CARS2: variants seen among roughly 807,000 people sequenced by gnomAD.
The protein encoded by CARS2 is cysteinyl-tRNA synthetase 2, mitochondrial.
A neutral mutation model predicts 68.8 loss-of-function variants in CARS2; 52 were observed. That is an observed-to-expected ratio of 0.76 (90% confidence interval 0.61 to 0.95). The LOEUF is 0.95. Among genes scored for constraint, CARS2 ranks in the 40% least tolerant of loss-of-function variants. The pLI is 0.00. For missense variants in CARS2, 780 were observed against 754.2 expected, an observed-to-expected ratio of 1.03 and a Z score of -0.40; for synonymous variants, 314 against 303.6, an observed-to-expected ratio of 1.03 and a Z score of -0.36.
Position 110,647,238 on chromosome 13 carries a change from G to A in CARS2, c.1056C>T (p.Ala352=). Reference sequence around the variant, plus strand: ...GCATGGCGCTGTCACTGTAGTCGATGGCTGAGGAGGAAGAGATGGTCACTG... The same window carrying A: ...GCATGGCGCTGTCACTGTAGTCGATAGCTGAGGAGGAAGAGATGGTCACTG... ...FFCLRSSYRS[A]IDYSDSAMLQ... is the part of the protein sequence containing the mutation. Residue 352 remains alanine, a splice_region_variant and synonymous_variant, in exon 11 of 15, where the codon GCC becomes GCT. Transcript: ENST00000257347. 2 of 1,612,052 alleles carry A rather than the reference G, an allele frequency of 1.2e-6. No homozygotes were observed. Among genetic ancestry groups the A allele is most frequent in the Non-Finnish European group, 1.7e-6 (2 of 1,179,062 alleles).
intron 6 of CARS2, among the ~76,000 whole-genome samples, chr13:110,681,430 G>A (rs2063153863): frequency 6.6e-6 from 1 of 151,994 alleles, no homozygotes; most frequent in Non-Finnish European, 1.5e-5. Flanking sequence ...TTTTGTATAA[G>A]AAAATATTTT....
rs761330441 is a variant in CARS2, at chr13:110,642,484, C to G, written c.1454G>C (p.Gly485Ala). Reference sequence around the variant, plus strand: ...GAACCGCACCAGCTCGTCCACCACACCATGCAAGGTAGCCTCGCTGCCGTC... The same window carrying G: ...GAACCGCACCAGCTCGTCCACCACAGCATGCAAGGTAGCCTCGCTGCCGTC... The part of the protein sequence containing the change: ...SGDGSEATLH[G>A]VVDELVRFRQ... The change falls in exon 14 of 15, where the codon GGT (glycine) becomes GCT (alanine). Residue 485 changes from glycine to alanine, a missense_variant. Gly to Ala is a moderately conservative substitution (Grantham distance 60, BLOSUM62 0). Transcript: ENST00000257347. 1.8e-5 allele frequency: 29 copies of G among 1,610,370 alleles called. No individual in the cohort carries two copies. Among genetic ancestry groups the G allele is most frequent in the Non-Finnish European group, 2.1e-5 (25 of 1,178,862 alleles).
intron 5 of CARS2, among the ~76,000 whole-genome samples, chr13:110,684,481 C>T (rs1284341867): frequency 2.0e-5 from 3 of 150,334 alleles, no homozygotes; most frequent in Admixed American, 1.3e-4. Flanking sequence ...TAGTGGTCAA[C>T]CCCGAATGAC....
Position 110,644,479 on chromosome 13 carries a change from G to C in CARS2, c.1322C>G (p.Pro441Arg). 1 of 1,614,020 alleles carries C rather than the reference G, an allele frequency of 6.2e-7. No individual in the cohort carries two copies. Among genetic ancestry groups the C allele is most frequent in the Non-Finnish European group, 8.5e-7 (1 of 1,180,000 alleles). Reference protein sequence around the residue: ...NGQLRASLKEPEGPRSPAVFG... With the variant: ...NGQLRASLKEREGPRSPAVFG... ...CACAGCAGGACTTCTCGGCCCTTCAGGTTCCTGTAAGAGATCATGTCGCAG... is the reference window on the plus strand; with the variant it reads ...CACAGCAGGACTTCTCGGCCCTTCACGTTCCTGTAAGAGATCATGTCGCAG... The change falls in exon 13 of 15, where the codon CCT (proline) becomes CGT (arginine). Residue 441 changes from proline to arginine, a missense_variant. Physicochemically the swap from Pro to Arg is moderately radical, Grantham distance 103. Coordinates refer to ENST00000257347, the MANE Select transcript of CARS2 (RefSeq NM_024537.4).
intron 3 of CARS2, among the ~76,000 whole-genome samples, chr13:110,695,774 C>T (rs1047243168): frequency 1.4e-5 from 2 of 146,424 alleles, no homozygotes; most frequent in African/African-American, 5.3e-5. Context: ...AAAAGAATTA[C>T]CTTTTTTTTT....
chr13:110,691,880 C>G (rs9521901), intron 3 of CARS2, among the ~76,000 whole-genome samples: 149,343 of 151,294 alleles, frequency 0.99, 73,734 homozygotes, highest in Middle Eastern at 1. Flanking sequence ...ACAGGGGTGA[C>G]GGATGCATCC....
chr13:110,663,434 T>C lies in CARS2; in HGVS notation c.987+17A>G, dbSNP rs2062563735. Reference sequence around the variant, plus strand: ...AGCTATCGGCACCTCAGAGATACAATACAAAAAGCACGTTACCTTAATAGT... The same window carrying C: ...AGCTATCGGCACCTCAGAGATACAACACAAAAAGCACGTTACCTTAATAGT... On this transcript the variant is annotated intron_variant, in intron 9 of 14. Coordinates refer to ENST00000257347, the MANE Select transcript of CARS2 (RefSeq NM_024537.4). 2 of 1,609,672 alleles carry C rather than the reference T, an allele frequency of 1.2e-6. No homozygotes were observed. The highest frequency in any genetic ancestry group is 8.5e-7 in the Non-Finnish European group (1 of 1,178,286).
chr13:110,661,513 T>C (rs1034179272), intron 9 of CARS2, among the ~76,000 whole-genome samples: 3 of 152,232 alleles, frequency 2.0e-5, no homozygotes, highest in Non-Finnish European at 4.4e-5. Flanking sequence ...AGCAATAAGG[T>C]TGTTTTGCTT....
chr13:110,663,383 C>T, intron 9 of CARS2, 68 bp downstream of exon 9: 6 of 1,496,504 alleles, frequency 4.0e-6, no homozygotes, highest in South Asian at 1.2e-5. Context: ...TCAAATGACA[C>T]AGAAGCCTTT....
Position 110,653,458 on chromosome 13 carries a change from C to T in CARS2, c.988-2358G>A, listed in dbSNP as rs1009601290. On this transcript the variant is annotated intron_variant, in intron 9 of 14. Coordinates refer to ENST00000257347, the MANE Select transcript of CARS2 (RefSeq NM_024537.4). This position sits in a 1 kb window ranked among gnomAD's most constrained non-coding sequence, Gnocchi z 5.6. ...GTCCTGCCGGTTTCAGTTCAGGTTG[C>T]GCCCTATTTAGGTCTCCGGGTTTCG... Among the ~76,000 whole-genome samples the T allele has an allele frequency of 4.6e-5, 7 of 152,192 alleles. No homozygotes were observed. Among genetic ancestry groups the T allele is most frequent in the Non-Finnish European group, 7.3e-5 (5 of 68,040 alleles).
At chr13:110,641,667 G>T in intron 14 of CARS2, 59 bp from the exon 15 acceptor site, 2 of 1,344,260 alleles carry the variant, frequency 1.5e-6, no homozygotes, top group Non-Finnish European at 2.1e-6. Flanking sequence ...GGCACAGGGG[G>T]CTGACAGGCG....
At chr13:110,692,077 C>CAT (rs1184399059) in intron 3 of CARS2, among the ~76,000 whole-genome samples, 4 of 141,410 alleles carry the variant, frequency 2.8e-5, no homozygotes, top group South Asian at 2.2e-4. Context: ...TACACACATA[C>CAT]ATATATATAC....
Position 110,706,005 on chromosome 13 carries a change from G to C in CARS2, c.89C>G (p.Ala30Gly). 6.8e-7 allele frequency: 1 copy of C among 1,478,554 alleles called. No individual in the cohort carries two copies. The highest frequency in any genetic ancestry group is 8.9e-7 in the Non-Finnish European group (1 of 1,120,064). The allele number at this position is 1,478,554 out of a possible 1,614,324, so 91.6% of individuals were successfully genotyped here. ...GCGCCCCCCGCTCGCCGCCCGGCCCGCAGGCCAGTGCCACCCAGCCCGCCC... is the reference window on the plus strand; with the variant it reads ...GCGCCCCCCGCTCGCCGCCCGGCCCCCAGGCCAGTGCCACCCAGCCCGCCC... Reference protein sequence around the residue: ...GLGRAGWHWPAGRAASGGRGR... With the variant: ...GLGRAGWHWPGGRAASGGRGR... The change falls in exon 1 of 15, where the codon GCG becomes GGG. Residue 30 changes from alanine to glycine, a missense_variant. Transcript: ENST00000257347.
rs113383198 is a variant in CARS2 at position 110,675,707 on chromosome 13, GA to G, written c.785+1266del. On this transcript the variant is annotated intron_variant, in intron 7 of 14. Coordinates refer to ENST00000257347, the MANE Select transcript of CARS2 (RefSeq NM_024537.4). ...TGTACCCTAGAAGTTAAAATATAAT[GA>G]AAAAAAAAACCCATTTCTACAAATA... Among the ~76,000 whole-genome samples the G allele has an allele frequency of 1.0e-3, 149 of 147,926 alleles. 1 individual carries two copies. Among genetic ancestry groups the G allele is most frequent in the East Asian group, 4.5e-3 (23 of 5,096 alleles).
Position 110,668,304 on chromosome 13 carries a change from G to A in CARS2, c.786-831C>T, listed in dbSNP as rs187299621. Among the ~76,000 whole-genome samples, 3 of 152,352 alleles carry A rather than the reference G, an allele frequency of 2.0e-5. No homozygotes were observed. The highest frequency in any genetic ancestry group is 6.5e-5 in the Admixed American group (1 of 15,302). Reference sequence around the variant, plus strand: ...CACGCCTGTAAACACAGCACTTTGGGAGGCTGAGGCAGGCGGATCACAAGG... The same window carrying A: ...CACGCCTGTAAACACAGCACTTTGGAAGGCTGAGGCAGGCGGATCACAAGG... On this transcript the variant is annotated intron_variant, in intron 7 of 14. Coordinates refer to ENST00000257347, the MANE Select transcript of CARS2 (RefSeq NM_024537.4). The surrounding 1 kb of genome is among the most constrained non-coding windows in gnomAD (Gnocchi z 4.1).
intron 9 of CARS2, among the ~76,000 whole-genome samples, chr13:110,654,566 A>G (rs945428106): frequency 1.3e-5 from 2 of 152,006 alleles, no homozygotes; most frequent in Admixed American, 1.3e-4. Context: ...ACAAATCAAC[A>G]CAGCAAATAG....
chr13:110,694,090 C>T (rs778347287), intron 3 of CARS2, among the ~76,000 whole-genome samples: 63 of 151,900 alleles, frequency 4.1e-4, no homozygotes, highest in Non-Finnish European at 2.6e-4. Context: ...TGCAATGGTG[C>T]GATCTCAGCT....
intron 9 of CARS2, among the ~76,000 whole-genome samples, chr13:110,658,977 G>T (rs2062437744): frequency 6.6e-6 from 1 of 151,982 alleles, no homozygotes; most frequent in Non-Finnish European, 1.5e-5. Context: ...ATAATATTAA[G>T]AAATTACTGC....
At chr13:110,644,110 G>A (rs1187173331) in intron 13 of CARS2, 16 of 1,354,354 alleles carry the variant, frequency 1.2e-5, no homozygotes, top group East Asian at 4.1e-5. Flanking sequence ...GAACATAAAC[G>A]TGTGTGCAGA....
Sources: gnomAD v4.1 joint callset for allele counts (sites outside exome capture counted in the v4.1 genomes callset) on GRCh38, gnomAD v4.1.1 for gene constraint, Gnocchi (gnomAD v3.1) non-coding constraint, MANE v1.5 for transcripts, NCBI Gene and HGNC (gene_info 2026-07-23, HGNC 2026-07-21) for gene names.